The following PDE7B variants were observed in gnomAD, a reference collection of about 807,000 sequenced individuals.
PDE7B encodes the protein 3',5'-cyclic-AMP phosphodiesterase 7B.
Under a neutral mutation model 56.2 loss-of-function variants are expected in PDE7B, and 29 were observed. That is an observed-to-expected ratio of 0.52 (90% confidence interval 0.38 to 0.70). The LOEUF is 0.70. Ranked by LOEUF, PDE7B falls within the 30% of genes least tolerant of loss-of-function variation. The pLI is 0.00. For synonymous variants in PDE7B, 197 were observed against 196.9 expected (o/e 1.00, Z 0.00); for missense variants, 490 against 565.0 (o/e 0.87, Z 1.35).
chr6:135,899,650 C>T (rs987083920), intron 1 of PDE7B, among the ~76,000 whole-genome samples: 1 of 151,734 alleles, frequency 6.6e-6, no homozygotes, highest in Non-Finnish European at 1.5e-5. Flanking sequence ...GTATGTGTAG[C>T]TTCCTATATA....
intron 1 of PDE7B, among the ~76,000 whole-genome samples, chr6:135,878,223 C>A (rs1170937158): frequency 2.0e-5 from 3 of 151,982 alleles, no homozygotes; most frequent in Non-Finnish European, 4.4e-5. Context: ...ATTTTATTTT[C>A]TTTGATATTT....
intron 2 of PDE7B, among the ~76,000 whole-genome samples, chr6:136,052,313 CAGGAAGATTTGCTGGG>C (rs1410282192): frequency 6.6e-6 from 1 of 152,170 alleles, no homozygotes; most frequent in African/African-American, 2.4e-5. Context: ...TCATTATCTC[CAGGAAGATTTGCTGGG>C]AAGAAAGATA....
At chr6:136,125,590 G>T (rs901604974) in intron 3 of PDE7B, among the ~76,000 whole-genome samples, 2 of 151,240 alleles carry the variant, frequency 1.3e-5, no homozygotes, top group Admixed American at 6.6e-5. Flanking sequence ...AATAAATAAA[G>T]AATACATATA....
At chr6:135,957,185 T>C (rs1300414083) in intron 2 of PDE7B, among the ~76,000 whole-genome samples, 1 of 152,102 alleles carries the variant, frequency 6.6e-6, no homozygotes, top group Non-Finnish European at 1.5e-5. Context: ...AGAGTTTCCA[T>C]CTGATTGCTT....
intron 2 of PDE7B, among the ~76,000 whole-genome samples, chr6:136,063,448 T>G (rs1776878167): frequency 6.6e-6 from 1 of 152,236 alleles, no homozygotes; most frequent in Non-Finnish European, 1.5e-5. Context: ...TGACCATTTC[T>G]TCCACCACCT....
intron 2 of PDE7B, among the ~76,000 whole-genome samples, chr6:136,020,254 A>T (rs1776048833): frequency 6.6e-6 from 1 of 152,162 alleles, no homozygotes; most frequent in Non-Finnish European, 1.5e-5. Context: ...GACAATCACT[A>T]GAGAGCCCCA....
At chr6:135,987,145 T>G (rs1454583376) in intron 2 of PDE7B, among the ~76,000 whole-genome samples, 2 of 152,224 alleles carry the variant, frequency 1.3e-5, no homozygotes, top group East Asian at 3.8e-4. Flanking sequence ...TCCTTAACTT[T>G]GAGACAGGTC....
intron 3 of PDE7B, among the ~76,000 whole-genome samples, chr6:136,133,243 TTAA>T (rs1297633274): frequency 1.3e-5 from 2 of 150,500 alleles, no homozygotes; most frequent in African/African-American, 2.4e-5. Flanking sequence ...AATAATAATA[TTAA>T]TAATAATAAA....
intron 2 of PDE7B, among the ~76,000 whole-genome samples, chr6:135,979,154 G>A (rs540368477): frequency 6.6e-6 from 1 of 151,806 alleles, no homozygotes; most frequent in Non-Finnish European, 1.5e-5. Context: ...TTTGTCTTTG[G>A]TTCTGTTTAT....
intron 10 of PDE7B, 67 bp downstream of exon 10, chr6:136,179,208 G>T: frequency 6.9e-7 from 1 of 1,444,768 alleles, no homozygotes; most frequent in Non-Finnish European, 9.7e-7. Flanking sequence ...GGGTGTGGTG[G>T]CTCACATCTG....
At chr6:135,997,116 T>C (rs1012036759) in intron 2 of PDE7B, among the ~76,000 whole-genome samples, 2 of 151,870 alleles carry the variant, frequency 1.3e-5, no homozygotes, top group African/African-American at 2.4e-5. Context: ...TTATTGACCA[T>C]GTGGTAATTT....
In PDE7B at chr6:135,998,585, T is replaced by C. The variant is rs192934344; in HGVS notation, c.82+51061T>C. Among the ~76,000 whole-genome samples the C allele has an allele frequency of 1.6e-3, 241 of 152,040 alleles. 1 individual carries two copies. The East Asian group carries it at 0.028, about 18-fold the overall frequency. ...TCCTGGCTAACACGGTGAAACCCTG[T>C]CTCTACTAAAAATACAAAAAATTAG... On this transcript the variant is annotated intron_variant, in intron 2 of 12. Coordinates refer to ENST00000308191, the MANE Select transcript of PDE7B (RefSeq NM_018945.4).
chr6:136,134,864 C>G (rs944986921), intron 3 of PDE7B, among the ~76,000 whole-genome samples: 2 of 151,580 alleles, frequency 1.3e-5, no homozygotes, highest in Non-Finnish European at 2.9e-5. Flanking sequence ...GGGGTGCAGA[C>G]AGTCAGCTAG....
chr6:136,149,205 T>G, intron 5 of PDE7B, 55 bp downstream of exon 5: 1 of 1,215,106 alleles, frequency 8.2e-7, no homozygotes, highest in African/African-American at 1.5e-5. Flanking sequence ...TGGGATTAAT[T>G]TCATGAAAAA....
chr6:135,895,000 G>C (rs986380282), intron 1 of PDE7B, among the ~76,000 whole-genome samples: 1 of 151,856 alleles, frequency 6.6e-6, no homozygotes, highest in Non-Finnish European at 1.5e-5. Flanking sequence ...GTGCTAAAAA[G>C]GGTTTAAGAT....
chr6:136,095,965 T>C (rs1263875072), intron 2 of PDE7B: 1 of 152,236 alleles, frequency 6.6e-6, no homozygotes, highest in Non-Finnish European at 1.5e-5. Context: ...AACATGGGTA[T>C]AATATAATCA....
intron 2 of PDE7B, among the ~76,000 whole-genome samples, chr6:135,948,917 AGACAGAC>A (rs1460995117): frequency 6.6e-6 from 1 of 151,786 alleles, no homozygotes; most frequent in Non-Finnish European, 1.5e-5. Flanking sequence ...ACAGACAGAC[AGACAGAC>A]AGACAAAACA....
intron 2 of PDE7B, among the ~76,000 whole-genome samples, chr6:135,971,523 C>G (rs1193322405): frequency 1.3e-5 from 2 of 152,088 alleles, no homozygotes; most frequent in Non-Finnish European, 2.9e-5. Context: ...AAAGAGAGAG[C>G]AGCATGTGAG....
chr6:135,908,340 A>G (rs979821118), intron 1 of PDE7B, among the ~76,000 whole-genome samples: 1 of 151,452 alleles, frequency 6.6e-6, no homozygotes, highest in African/African-American at 2.4e-5. Flanking sequence ...TGATCCTCCC[A>G]CTTTGGCCTC....
Sources: gnomAD v4.1 joint callset for allele counts (sites outside exome capture counted in the v4.1 genomes callset) on GRCh38, gnomAD v4.1.1 for gene constraint, MANE v1.5 for transcripts, NCBI Gene and HGNC (gene_info 2026-07-23, HGNC 2026-07-21) for gene names.